The following HOGA1 variants were observed in gnomAD, a reference collection of about 807,000 sequenced individuals.
HOGA1 encodes 4-hydroxy-2-oxoglutarate aldolase, mitochondrial.
Under a neutral mutation model 34.3 loss-of-function variants are expected in HOGA1, and 30 were observed. The observed-to-expected ratio is 0.87, with a 90% CI of 0.65 to 1.19. HOGA1 has a LOEUF of 1.19. HOGA1 is among the 50% of genes most tolerant of loss of function. The probability of loss-of-function intolerance (pLI) is 0.00; values close to 1 mark genes in which losing one functional copy is unlikely to be tolerated. For synonymous variants in HOGA1, 161 were observed against 174.0 expected (o/e 0.93, Z 0.59); for missense variants, 417 against 436.5 (o/e 0.96, Z 0.40).
chr10:97,592,363 C>T (rs890951123), intron 1 of HOGA1, among the ~76,000 whole-genome samples: 6 of 150,812 alleles, frequency 4.0e-5, no homozygotes, highest in Non-Finnish European at 1.5e-5. Context: ...GCCTCAGTCT[C>T]TCGAGTAGCT....
At chr10:97,591,615 T>C (rs1228934375) in intron 1 of HOGA1, among the ~76,000 whole-genome samples, 1 of 151,870 alleles carries the variant, frequency 6.6e-6, no homozygotes, top group Non-Finnish European at 1.5e-5. Flanking sequence ...TTCCCTTTTT[T>C]TCTTGTTTTT....
chr10:97,609,157 A>G (rs1037374321), intron 6 of HOGA1, among the ~76,000 whole-genome samples: 1 of 152,136 alleles, frequency 6.6e-6, no homozygotes, highest in African/African-American at 2.4e-5. Context: ...CGTCCTGCAC[A>G]TACTGAACAT....
rs1281462218 is a variant in HOGA1, at chr10:97,590,475, C to A, written c.211+5561C>A. 5 of 1,613,596 alleles carry A rather than the reference C, an allele frequency of 3.1e-6. No homozygotes were observed. The Admixed American group carries it at 8.3e-5, about 27-fold the overall frequency. On this transcript the variant is annotated intron_variant, in intron 1 of 6. Transcript: ENST00000370646. ...CAGCGGGAAAACACCATAGCTGGTGCCAATCACACACACACCTTCTATGGC... is the reference window on the plus strand; with the variant it reads ...CAGCGGGAAAACACCATAGCTGGTGACAATCACACACACACCTTCTATGGC...
At chr10:97,595,409 G>C (rs1260102976) in intron 1 of HOGA1, among the ~76,000 whole-genome samples, 1 of 152,322 alleles carries the variant, frequency 6.6e-6, no homozygotes, top group East Asian at 1.9e-4. Flanking sequence ...AAACAACTCT[G>C]AGAGGCTGGG....
intron 1 of HOGA1, among the ~76,000 whole-genome samples, chr10:97,595,622 G>A: frequency 6.6e-6 from 1 of 152,224 alleles, no homozygotes; most frequent in East Asian, 1.9e-4. Flanking sequence ...TTGAGCCTGG[G>A]AGACAGAGGC....
intron 1 of HOGA1, chr10:97,589,854 A>C (rs369324110): frequency 6.8e-7 from 1 of 1,479,436 alleles, no homozygotes; most frequent in Non-Finnish European, 9.3e-7. Flanking sequence ...CCATCATGCA[A>C]GGTGGTGCTG....
At chr10:97,591,817 TTGTGTGTGTG>T (rs56742680) in intron 1 of HOGA1, among the ~76,000 whole-genome samples, 1,647 of 111,056 alleles carry the variant, frequency 0.015, 30 homozygotes, top group African/African-American at 0.056. Context: ...TTCTTTCATT[TTGTGTGTGTG>T]TGTGTGTGTG....
chr10:97,586,027 C>T (rs1026200185), intron 1 of HOGA1, among the ~76,000 whole-genome samples: 1 of 151,886 alleles, frequency 6.6e-6, no homozygotes, highest in Non-Finnish European at 1.5e-5. Flanking sequence ...ATCCCAGCTA[C>T]TCGGGAGACT....
At chr10:97,600,012 C>G in intron 4 of HOGA1, 55 bp from the exon 5 acceptor site, 1 of 1,563,862 alleles carries the variant, frequency 6.4e-7, no homozygotes, top group Non-Finnish European at 8.8e-7. Flanking sequence ...CTTACCCGGC[C>G]CTCATCCAGG....
At chr10:97,602,015 G>C in intron 6 of HOGA1, 25 bp downstream of exon 6, 2 of 1,597,950 alleles carry the variant, frequency 1.3e-6, no homozygotes, top group Non-Finnish European at 8.5e-7. Flanking sequence ...GCGGGGGCGC[G>C]GCCTGGCGGG....
At chr10:97,611,282 A>T (rs1019856245) in intron 6 of HOGA1, among the ~76,000 whole-genome samples, 1 of 152,150 alleles carries the variant, frequency 6.6e-6, no homozygotes, top group Non-Finnish European at 1.5e-5. Context: ...AAACCAAAGG[A>T]GGCACTCTTC....
intron 6 of HOGA1, among the ~76,000 whole-genome samples, chr10:97,610,288 C>A (rs2041185388): frequency 6.6e-6 from 1 of 151,862 alleles, no homozygotes; most frequent in Admixed American, 6.6e-5. Flanking sequence ...AGCAACATAG[C>A]AAGACCTCGT....
chr10:97,602,847 A>G (rs1182905469), intron 6 of HOGA1, among the ~76,000 whole-genome samples: 1 of 151,940 alleles, frequency 6.6e-6, no homozygotes, highest in African/African-American at 2.4e-5. Flanking sequence ...TGCCCAGCTA[A>G]TTTTTGTTTT....
At chr10:97,586,581 T>G (rs2135712528) in intron 1 of HOGA1, among the ~76,000 whole-genome samples, 1 of 152,352 alleles carries the variant, frequency 6.6e-6, no homozygotes, top group Non-Finnish European at 1.5e-5. Flanking sequence ...AGAAGCATTT[T>G]GAGCCTCTAA....
In HOGA1 at chr10:97,611,763, G is replaced by A; in HGVS notation, c.*104G>A. 7.1e-7 allele frequency: 1 copy of A among 1,402,306 alleles called. No individual in the cohort carries two copies. Among genetic ancestry groups the A allele is most frequent in the South Asian group, 1.2e-5 (1 of 80,792 alleles). The allele number at this position is 1,402,306 out of a possible 1,614,324, so 86.9% of individuals were successfully genotyped here. ...GGGGGATGAGGGTGGCAGGCAGCGGGGAGCCGATAGAGGCTCCTTTGCCTG... is the reference window on the plus strand; with the variant it reads ...GGGGGATGAGGGTGGCAGGCAGCGGAGAGCCGATAGAGGCTCCTTTGCCTG... On this transcript the variant is annotated 3_prime_UTR_variant, in exon 7 of 7. Coordinates refer to ENST00000370646, the MANE Select transcript of HOGA1 (RefSeq NM_138413.4).
intron 1 of HOGA1, among the ~76,000 whole-genome samples, chr10:97,593,586 C>T (rs1182162100): frequency 6.6e-6 from 1 of 152,076 alleles, no homozygotes; most frequent in Admixed American, 6.6e-5. Flanking sequence ...TTATGTCATG[C>T]AAAAAACTTT....
At position 97,585,729 on chromosome 10, in the gene HOGA1, G is replaced by A. The variant is rs140305178; in HGVS notation, c.211+815G>A. On this transcript the variant is annotated intron_variant, in intron 1 of 6. Transcript: ENST00000370646. ...GGCCCATGCTCCATTTTACTCCCTC[G>A]CTGACTCTCATTATAAACCCTTTGG... Among the ~76,000 whole-genome samples, 673 of 152,220 alleles carry A rather than the reference G, an allele frequency of 4.4e-3. 4 individuals are homozygous for A. Among genetic ancestry groups the A allele is most frequent in the African/African-American group, 0.015 (604 of 41,510 alleles).
At chr10:97,602,718 C>G (rs909677096) in intron 6 of HOGA1, 17 of 554,832 alleles carry the variant, frequency 3.1e-5, no homozygotes, top group Non-Finnish European at 3.9e-5. Flanking sequence ...CAGAGTCTTG[C>G]TCTTTTGCCC....
At chr10:97,597,345 A>G (rs1279847806) in intron 1 of HOGA1, among the ~76,000 whole-genome samples, 1 of 152,024 alleles carries the variant, frequency 6.6e-6, no homozygotes, top group East Asian at 1.9e-4. Flanking sequence ...TCTATTAATT[A>G]AGAATCCTGT....
Sources: allele counts gnomAD v4.1 joint callset (sites outside exome capture counted in the v4.1 genomes callset), GRCh38; gene constraint gnomAD v4.1.1; transcripts MANE v1.5; gene names NCBI Gene and HGNC (gene_info 2026-07-23, HGNC 2026-07-21).